ATXN7L1: variants seen among roughly 807,000 people sequenced by gnomAD.
The protein encoded by ATXN7L1 is ataxin 7 like 1, also known as ataxin-7-like protein 1.
A neutral mutation model predicts 70.8 loss-of-function variants in ATXN7L1; 15 were observed. The observed-to-expected ratio is 0.21, with a 90% confidence interval of 0.14 to 0.33. The LOEUF (loss-of-function observed/expected upper bound fraction) is 0.33, where lower values mean the gene tolerates loss of function less well. Among genes scored for constraint, ATXN7L1 ranks in the 10% least tolerant of loss-of-function variants. ATXN7L1 has a pLI of 1.00. For synonymous variants in ATXN7L1, 440 were observed against 445.1 expected (o/e 0.99, Z 0.14); for missense variants, 975 against 1,097.1 (o/e 0.89, Z 1.57).
At chr7:105,796,440 C>T (rs776638667) in intron 2 of ATXN7L1, among the ~76,000 whole-genome samples, 10 of 152,176 alleles carry the variant, frequency 6.6e-5, no homozygotes, top group East Asian at 1.9e-4. Context: ...GTAGGACCTA[C>T]GGATGTGACA....
intron 2 of ATXN7L1, among the ~76,000 whole-genome samples, chr7:105,803,473 T>C (rs1563106147): frequency 1.3e-5 from 2 of 152,208 alleles, no homozygotes; most frequent in South Asian, 2.1e-4. Context: ...TTGAGCAGTA[T>C]CCTCGGTGCT....
rs564155674 is a variant in ATXN7L1, at chr7:105,759,861, C to T, written c.355+28743G>A. Reference sequence around the variant, plus strand: ...CATATGTGCAAATCAATTTGATTTCCGCCCCCCCCAAAGATAGAAATCAGT... The same window carrying T: ...CATATGTGCAAATCAATTTGATTTCTGCCCCCCCCAAAGATAGAAATCAGT... On this transcript the variant is annotated intron_variant, in intron 3 of 11. Coordinates refer to ENST00000419735, the MANE Select transcript of ATXN7L1 (RefSeq NM_020725.2). Among the ~76,000 whole-genome samples, 9 of 151,200 alleles carry T rather than the reference C, an allele frequency of 6.0e-5. No individual in the cohort carries two copies. In the East Asian group the frequency reaches 7.7e-4, roughly 13 times the overall value.
intron 3 of ATXN7L1, among the ~76,000 whole-genome samples, chr7:105,667,846 C>T (rs1802899661): frequency 6.6e-6 from 1 of 152,168 alleles, no homozygotes; most frequent in Non-Finnish European, 1.5e-5. Flanking sequence ...CGACTTTCTG[C>T]CTCTCAGAAA....
Position 105,638,570 on chromosome 7 carries a change from T to C in ATXN7L1, c.985A>G (p.Lys329Glu), listed in dbSNP as rs774061050. 8.4e-6 allele frequency: 13 copies of C among 1,551,868 alleles called. No individual in the cohort carries two copies. The highest frequency in any genetic ancestry group is 1.4e-5 in the African/African-American group (1 of 73,048). Residue 329 changes from lysine (K) to glutamate (E), a missense_variant, in exon 7 of 12, where the codon AAA (lysine) becomes GAA (glutamate). Around this residue, in one of 5 missense-constraint regions of ATXN7L1, gnomAD observed 635 missense variants for 699.4 expected, o/e 0.91. Coordinates refer to ENST00000419735, the MANE Select transcript of ATXN7L1 (RefSeq NM_020725.2). ...GCCAGGAGGAGGTCAAATTGCTTTT[T>C]CCGGCCTGGGACTGCCCTCCGATGG... ...LSHRRAVPGR[K>E]KQFDLLLAEH...
chr7:105,699,492 A>G (rs1322035691), intron 3 of ATXN7L1, among the ~76,000 whole-genome samples: 1 of 152,112 alleles, frequency 6.6e-6, no homozygotes, highest in Non-Finnish European at 1.5e-5. Flanking sequence ...TCCTTTTTTG[A>G]TAACTCAAAG....
intron 3 of ATXN7L1, among the ~76,000 whole-genome samples, chr7:105,732,109 C>T (rs887177451): frequency 3.3e-5 from 5 of 151,854 alleles, no homozygotes; most frequent in African/African-American, 1.2e-4. Flanking sequence ...CAAAACAAAA[C>T]AAAACAAAAG....
At chr7:105,675,485 C>T (rs185190892) in intron 3 of ATXN7L1, among the ~76,000 whole-genome samples, 88 of 152,040 alleles carry the variant, frequency 5.8e-4, no homozygotes, top group Non-Finnish European at 1.0e-3. Flanking sequence ...ATTAGCCAGG[C>T]GTGGTGGTGC....
At chr7:105,628,836 T>A (rs1490559267) in intron 7 of ATXN7L1, among the ~76,000 whole-genome samples, 5 of 138,082 alleles carry the variant, frequency 3.6e-5, no homozygotes, top group Non-Finnish European at 8.1e-5. Context: ...AATAAATAAA[T>A]AAAATTGTGT....
At chr7:105,677,177 G>T (rs1804810479) in intron 3 of ATXN7L1, among the ~76,000 whole-genome samples, 1 of 152,192 alleles carries the variant, frequency 6.6e-6, no homozygotes, top group South Asian at 2.1e-4. Flanking sequence ...TTTTTAAAAG[G>T]TCCTGAGGTG....
intron 3 of ATXN7L1, among the ~76,000 whole-genome samples, chr7:105,717,330 G>C (rs535430424): frequency 1.3e-5 from 2 of 152,144 alleles, no homozygotes; most frequent in Non-Finnish European, 2.9e-5. Flanking sequence ...GTTTTGCCAT[G>C]TTAGTCAGGC....
intron 2 of ATXN7L1, among the ~76,000 whole-genome samples, chr7:105,845,175 AG>A (rs1194844976): frequency 1.6e-5 from 2 of 121,690 alleles, no homozygotes; most frequent in African/African-American, 6.4e-5. Flanking sequence ...AGTGCATTCC[AG>A]CCTGTGTGAC....
intron 3 of ATXN7L1, among the ~76,000 whole-genome samples, chr7:105,784,743 A>G (rs1033334411): frequency 2.6e-5 from 4 of 152,308 alleles, no homozygotes; most frequent in South Asian, 2.1e-4. Flanking sequence ...TTACAGATGA[A>G]GAAATGGAGG....
chr7:105,662,066 CCTTCCTTCCTTCCTTCTTTCT>C (rs1338466171), intron 4 of ATXN7L1, among the ~76,000 whole-genome samples: 84 of 90,434 alleles, frequency 9.3e-4, no homozygotes, highest in African/African-American at 2.6e-3. Context: ...TTCCTTCCTT[CCTTCCTTCCTTCCTTCTTTCT>C]TTTCTTTTCT....
intron 3 of ATXN7L1, among the ~76,000 whole-genome samples, chr7:105,751,810 C>T (rs1439795086): frequency 1.3e-5 from 2 of 152,220 alleles, no homozygotes; most frequent in Admixed American, 6.5e-5. Context: ...CCTCAGGTGT[C>T]CCCCTGGGGA....
At chr7:105,704,718 C>T (rs1280639357) in intron 3 of ATXN7L1, among the ~76,000 whole-genome samples, 1 of 146,686 alleles carries the variant, frequency 6.8e-6, no homozygotes, top group Admixed American at 7.1e-5. Context: ...TCAAGTGATT[C>T]TTGTGCCTCA....
At chr7:105,767,459 A>G (rs1452375368) in intron 3 of ATXN7L1, among the ~76,000 whole-genome samples, 2 of 152,166 alleles carry the variant, frequency 1.3e-5, no homozygotes, top group Admixed American at 1.3e-4. Context: ...TAACCCACTC[A>G]GTCCTCTGGA....
chr7:105,815,281 C>T (rs1428016497), intron 2 of ATXN7L1, among the ~76,000 whole-genome samples: 4 of 152,144 alleles, frequency 2.6e-5, no homozygotes, highest in Non-Finnish European at 5.9e-5. Context: ...TTGTGCTTGG[C>T]TCTAGGAAAA....
At chr7:105,641,344 T>C (rs1046239551) in intron 5 of ATXN7L1, among the ~76,000 whole-genome samples, 1 of 150,050 alleles carries the variant, frequency 6.7e-6, no homozygotes, top group Admixed American at 6.7e-5. Context: ...TTTTTGGGTC[T>C]GTCAGAGTCA....
intron 2 of ATXN7L1, among the ~76,000 whole-genome samples, chr7:105,856,082 C>T (rs212421): frequency 6.6e-6 from 1 of 151,956 alleles, no homozygotes; most frequent in East Asian, 1.9e-4. Context: ...AAGAAAGTCA[C>T]GTCACTAACA....
Sources: gnomAD v4.1 joint callset for allele counts (sites outside exome capture counted in the v4.1 genomes callset) on GRCh38, gnomAD v4.1.1 for gene constraint, gnomAD v4.1.1 regional missense constraint, MANE v1.5 for transcripts, NCBI Gene and HGNC (gene_info 2026-07-23, HGNC 2026-07-21) for gene names.